The following TSGA10 variants were observed in gnomAD, a reference collection of about 807,000 sequenced individuals.
The protein encoded by TSGA10 is testis specific 10, also known as testis-specific gene 10 protein.
Under a neutral mutation model 96.6 loss-of-function variants are expected in TSGA10, and 43 were observed. The ratio of observed to expected loss-of-function variants is 0.44; its 90% CI spans 0.35 to 0.57. TSGA10 has a LOEUF of 0.57. Among genes scored for constraint, TSGA10 ranks in the 20% least tolerant of loss-of-function variants. TSGA10 has a pLI of 0.01. For synonymous variants in TSGA10, 229 were observed against 269.9 expected (o/e 0.85, Z 1.48); for missense variants, 703 against 834.4 (o/e 0.84, Z 1.94).
intron 16 of TSGA10, among the ~76,000 whole-genome samples, chr2:99,046,017 A>G (rs1392401268): frequency 6.6e-6 from 1 of 152,228 alleles, no homozygotes; most frequent in African/African-American, 2.4e-5. Flanking sequence ...CAACAAGAAG[A>G]GCCAACTATC....
At chr2:99,134,804 C>T (rs779068194) in intron 1 of TSGA10, among the ~76,000 whole-genome samples, 5 of 152,132 alleles carry the variant, frequency 3.3e-5, no homozygotes, top group African/African-American at 9.7e-5. Flanking sequence ...GATATTGATG[C>T]TATTCCTTTT....
intron 10 of TSGA10, among the ~76,000 whole-genome samples, chr2:99,103,194 T>C (rs2090968592): frequency 6.6e-6 from 1 of 151,928 alleles, no homozygotes; most frequent in Non-Finnish European, 1.5e-5. Context: ...AGTTCCGGGG[T>C]ACATGTGCAG....
intron 16 of TSGA10, among the ~76,000 whole-genome samples, chr2:99,038,655 A>C (rs1446482097): frequency 6.6e-6 from 1 of 152,200 alleles, no homozygotes; most frequent in Non-Finnish European, 1.5e-5. Flanking sequence ...CAAATTTATA[A>C]GCAATTACTA....
intron 10 of TSGA10, among the ~76,000 whole-genome samples, chr2:99,096,907 T>C (rs2090115739): frequency 6.6e-6 from 1 of 152,206 alleles, no homozygotes; most frequent in Non-Finnish European, 1.5e-5. Context: ...GTAATTACTC[T>C]GGTAACTGAA....
chr2:99,095,060 T>C (rs895090175), intron 10 of TSGA10, among the ~76,000 whole-genome samples: 1 of 152,070 alleles, frequency 6.6e-6, no homozygotes, highest in Non-Finnish European at 1.5e-5. Flanking sequence ...TGGAATACAA[T>C]CCAGTCATAA....
intron 17 of TSGA10, among the ~76,000 whole-genome samples, chr2:99,020,752 C>T (rs1044478715): frequency 1.3e-5 from 2 of 151,774 alleles, no homozygotes; most frequent in African/African-American, 2.4e-5. Context: ...CTACTACCAG[C>T]TTTGATATTT....
At chr2:99,119,181 A>G (rs1032788636) in intron 2 of TSGA10, among the ~76,000 whole-genome samples, 19 of 152,216 alleles carry the variant, frequency 1.2e-4, no homozygotes, top group Admixed American at 9.2e-4. Flanking sequence ...GTCACTACAT[A>G]AAAATATCCT....
intron 10 of TSGA10, among the ~76,000 whole-genome samples, chr2:99,082,857 A>G (rs2087698798): frequency 6.6e-6 from 1 of 152,188 alleles, no homozygotes; most frequent in South Asian, 2.1e-4. Flanking sequence ...ATATAAAGAA[A>G]AAAATAATCA....
chr2:99,027,174 G>A (rs1193767062), intron 17 of TSGA10, among the ~76,000 whole-genome samples: 2 of 152,204 alleles, frequency 1.3e-5, no homozygotes, highest in Non-Finnish European at 1.5e-5. Context: ...CTATGGGCCC[G>A]TACAGGTCTG....
At chr2:99,119,830 A>G (rs576173985) in intron 2 of TSGA10, among the ~76,000 whole-genome samples, 7 of 152,122 alleles carry the variant, frequency 4.6e-5, no homozygotes, top group Admixed American at 1.3e-4. Context: ...TACCCTTATT[A>G]TTTCAGCTAC....
chr2:99,135,445 G>C (rs2093285826), intron 1 of TSGA10, among the ~76,000 whole-genome samples: 1 of 152,178 alleles, frequency 6.6e-6, no homozygotes, highest in Non-Finnish European at 1.5e-5. Flanking sequence ...AGACAGAATA[G>C]AACAGTTCCT....
intron 1 of TSGA10, among the ~76,000 whole-genome samples, chr2:99,132,314 G>A (rs1306755671): frequency 1.3e-5 from 2 of 151,742 alleles, no homozygotes; most frequent in Non-Finnish European, 2.9e-5. Flanking sequence ...CTTGTTATTG[G>A]TCTATTCAGG....
intron 10 of TSGA10, among the ~76,000 whole-genome samples, chr2:99,097,857 A>C (rs540078484): frequency 1.3e-5 from 2 of 152,334 alleles, no homozygotes; most frequent in African/African-American, 4.8e-5. Context: ...ACAGCAAAAG[A>C]AAATATTTTT....
intron 1 of TSGA10, among the ~76,000 whole-genome samples, chr2:99,133,504 A>G (rs549308886): frequency 2.6e-5 from 4 of 152,280 alleles, no homozygotes; most frequent in Non-Finnish European, 4.4e-5. Flanking sequence ...GGGTCTCCTG[A>G]ATACAACACA....
chr2:99,075,058 T>C (rs2086531579), intron 12 of TSGA10, among the ~76,000 whole-genome samples: 1 of 152,100 alleles, frequency 6.6e-6, no homozygotes, highest in Non-Finnish European at 1.5e-5. Flanking sequence ...AAAAATACTC[T>C]AGAAACATTG....
chr2:98,998,017 A>G lies in TSGA10; in HGVS notation c.*180T>C. 1.8e-6 allele frequency: 1 copy of G among 566,842 alleles called. No homozygotes were observed. The highest frequency in any genetic ancestry group is 3.2e-5 in the South Asian group (1 of 30,774). 35.1% of individuals were successfully genotyped at this position (566,842 alleles called of 1,614,324 possible). On this transcript the variant is annotated 3_prime_UTR_variant, in exon 21 of 21. Transcript: ENST00000393483. ...AAGAGCCATATACATTTTTGTTTTT[A>G]TAAGTCATCTCAGATCACTGCAACA... is the stretch of plus-strand genomic sequence containing the variant.
At chr2:99,147,568 T>C in intron 1 of TSGA10, 1 of 1,232,372 alleles carries the variant, frequency 8.1e-7, no homozygotes, top group Non-Finnish European at 1.2e-6. Flanking sequence ...TGAAGTTTAA[T>C]GTGCAAATTG....
rs1245913699 is a variant in TSGA10, at chr2:99,105,676, G to A, written c.232C>T (p.Leu78Phe). The change falls in exon 8 of 21, where the codon CTT (leucine) becomes TTT (phenylalanine). Residue 78 changes from leucine (L) to phenylalanine (F), a missense_variant. Transcript: ENST00000393483. ...CAGCTTTTCATCATTTCTCGTCGAA[G>A]TCGGGTAATTTCTTCCTGTGCCTAT... ...YEQAQEEITR[L>F]RREMMKSCKS... The A allele has an allele frequency of 3.1e-6, 5 of 1,591,570 alleles. No individual in the cohort carries two copies. The Admixed American group carries it at 5.0e-5, about 16-fold the overall frequency.
chr2:99,083,655 C>A (rs1049626608), intron 10 of TSGA10, among the ~76,000 whole-genome samples: 31 of 152,146 alleles, frequency 2.0e-4, no homozygotes, highest in Admixed American at 6.5e-5. Flanking sequence ...TAAAAAGTAG[C>A]AAAATTTAAT....
Sources: gnomAD v4.1 joint callset for allele counts (sites outside exome capture counted in the v4.1 genomes callset) on GRCh38, gnomAD v4.1.1 for gene constraint, MANE v1.5 for transcripts, NCBI Gene and HGNC (gene_info 2026-07-23, HGNC 2026-07-21) for gene names.